FGF14: variants seen among roughly 807,000 people sequenced by gnomAD.
FGF14 encodes the protein fibroblast growth factor homologous factor 4.
FGF14 carries 5 observed loss-of-function variants against 25.5 expected under a neutral mutation model. The ratio of observed to expected loss-of-function variants is 0.20; its 90% CI spans 0.10 to 0.41. FGF14 has a LOEUF of 0.41. FGF14 is among the 10% of genes least tolerant of loss of function. The pLI, the probability that FGF14 is intolerant of heterozygous loss-of-function variation, is 1.00. For synonymous variants in FGF14, 138 were observed against 118.3 expected (o/e 1.17, Z -1.08); for missense variants, 222 against 320.1 (o/e 0.69, Z 2.34).
intron 1 of FGF14, among the ~76,000 whole-genome samples, chr13:102,204,628 A>T (rs1418904988): frequency 3.3e-5 from 5 of 151,244 alleles, no homozygotes; most frequent in Admixed American, 6.6e-5. Flanking sequence ...CTCACTGCAA[A>T]CTCCACCTCC....
chr13:101,728,764 T>C (rs143202731), intron 3 of FGF14, among the ~76,000 whole-genome samples: 15 of 152,238 alleles, frequency 9.9e-5, no homozygotes, highest in African/African-American at 3.4e-4. Context: ...GGTCACTTAG[T>C]GGAAGTCAGG....
At chr13:101,931,111 C>T (rs116476156) in intron 1 of FGF14, among the ~76,000 whole-genome samples, 2,436 of 152,256 alleles carry the variant, frequency 0.016, 68 homozygotes, top group African/African-American at 0.055. Context: ...TATTTTATGA[C>T]AAAACCTACC....
At chr13:102,330,302 T>C (rs1271593760) in intron 1 of FGF14, among the ~76,000 whole-genome samples, 2 of 152,144 alleles carry the variant, frequency 1.3e-5, no homozygotes, top group Non-Finnish European at 2.9e-5. Flanking sequence ...ATCCGCTGCC[T>C]TCCTTCCTAT....
At chr13:102,325,326 C>G (rs147129763) in intron 1 of FGF14, among the ~76,000 whole-genome samples, 168 of 152,062 alleles carry the variant, frequency 1.1e-3, no homozygotes, top group African/African-American at 3.9e-3. Context: ...TTTAGAAAAA[C>G]GTTGTGAAAT....
chr13:102,364,954 G>T (rs533728570), intron 1 of FGF14, among the ~76,000 whole-genome samples: 1 of 152,290 alleles, frequency 6.6e-6, no homozygotes, highest in East Asian at 1.9e-4. Context: ...TTCCCTAAGT[G>T]GGATGCAGAG....
intron 1 of FGF14, among the ~76,000 whole-genome samples, chr13:102,062,509 T>A (rs534527409): frequency 6.6e-6 from 1 of 152,258 alleles, no homozygotes; most frequent in South Asian, 2.1e-4. Context: ...AGTGTAATTT[T>A]CACTGACTAA....
chr13:101,851,493 A>G (rs2043848087), intron 3 of FGF14, among the ~76,000 whole-genome samples: 1 of 152,200 alleles, frequency 6.6e-6, no homozygotes, highest in Middle Eastern at 3.4e-3. Flanking sequence ...AAACTCCTAC[A>G]ACCAGTCACT....
intron 1 of FGF14, among the ~76,000 whole-genome samples, chr13:102,230,831 C>G (rs118036064): frequency 2.6e-5 from 4 of 152,056 alleles, no homozygotes; most frequent in Admixed American, 2.6e-4. Flanking sequence ...ATTACTGAAA[C>G]TTTTATTAAA....
chr13:102,140,132 T>C (rs1012119012), intron 1 of FGF14, among the ~76,000 whole-genome samples: 24 of 150,576 alleles, frequency 1.6e-4, no homozygotes, highest in African/African-American at 5.9e-4. Flanking sequence ...GAGAATCTTA[T>C]TAGTTGTGTG....
Position 101,792,857 on chromosome 13 carries a change from A to T in FGF14, c.409-66047T>A, listed in dbSNP as rs917200992. On this transcript the variant is annotated intron_variant, in intron 3 of 4. Coordinates refer to ENST00000376143, the MANE Select transcript of FGF14 (RefSeq NM_004115.4). ...TAGAACCTGGCTATTTTCATTTTTT[A>T]AAAAATTTGATTGGCTTTTTTTGTA... Among the ~76,000 whole-genome samples the T allele has an allele frequency of 2.0e-5, 3 of 151,986 alleles. No homozygotes were observed. In the South Asian group the frequency reaches 6.2e-4, roughly 31 times the overall value.
At chr13:102,339,871 A>T (rs2056897852) in intron 1 of FGF14, among the ~76,000 whole-genome samples, 1 of 152,188 alleles carries the variant, frequency 6.6e-6, no homozygotes, top group Non-Finnish European at 1.5e-5. Flanking sequence ...AGTAAAAAAG[A>T]ATAAAAAAGG....
At chr13:102,259,005 C>T (rs1031257617) in intron 1 of FGF14, among the ~76,000 whole-genome samples, 6 of 152,094 alleles carry the variant, frequency 3.9e-5, no homozygotes, top group Non-Finnish European at 7.4e-5. Flanking sequence ...AATTAATATT[C>T]TCAAAAAAGA....
intron 1 of FGF14, among the ~76,000 whole-genome samples, chr13:102,334,776 A>G (rs536098941): frequency 5.3e-5 from 8 of 152,280 alleles, no homozygotes; most frequent in Admixed American, 1.3e-4. Context: ...CGTGTCTTGC[A>G]TTTTTAGTTA....
intron 1 of FGF14, among the ~76,000 whole-genome samples, chr13:102,081,460 G>A (rs1187636315): frequency 6.6e-6 from 1 of 152,140 alleles, no homozygotes; most frequent in Non-Finnish European, 1.5e-5. Flanking sequence ...TGGTTGTGAT[G>A]TTTTGCTCAC....
At chr13:102,358,334 G>A (rs1242653487) in intron 1 of FGF14, among the ~76,000 whole-genome samples, 1 of 152,134 alleles carries the variant, frequency 6.6e-6, no homozygotes, top group Non-Finnish European at 1.5e-5. Flanking sequence ...GTACTTAGTA[G>A]ACATTGACAC....
intron 1 of FGF14, among the ~76,000 whole-genome samples, chr13:102,330,106 CACTCTA>C (rs1340954467): frequency 6.6e-6 from 1 of 152,164 alleles, no homozygotes; most frequent in East Asian, 1.9e-4. Flanking sequence ...GTGTTTCTGT[CACTCTA>C]ACCCTCTTCT....
intron 3 of FGF14, among the ~76,000 whole-genome samples, chr13:101,762,626 A>G (rs2038102258): frequency 6.6e-6 from 1 of 152,206 alleles, no homozygotes; most frequent in African/African-American, 2.4e-5. Context: ...GGCAAAACCA[A>G]AATAGCTGGC....
intron 1 of FGF14, among the ~76,000 whole-genome samples, chr13:102,383,291 T>C (rs2058228234): frequency 6.6e-6 from 1 of 152,184 alleles, no homozygotes; most frequent in Non-Finnish European, 1.5e-5. Context: ...AAAAGTTCTT[T>C]GAAGTTGTGT....
chr13:102,078,738 A>G (rs1386477112), intron 1 of FGF14, among the ~76,000 whole-genome samples: 1 of 152,200 alleles, frequency 6.6e-6, no homozygotes, highest in Non-Finnish European at 1.5e-5. Flanking sequence ...ATGGTGAGCC[A>G]TGACGTTGGA....
Sources: allele counts gnomAD v4.1 joint callset (sites outside exome capture counted in the v4.1 genomes callset), GRCh38; gene constraint gnomAD v4.1.1; transcripts MANE v1.5; gene names NCBI Gene and HGNC (gene_info 2026-07-23, HGNC 2026-07-21).